TTC29: variants seen among roughly 807,000 people sequenced by gnomAD.
TTC29 encodes tetratricopeptide repeat domain 29.
Under a neutral mutation model 58.1 loss-of-function variants are expected in TTC29, and 49 were observed. That is an observed-to-expected ratio of 0.84 (90% CI 0.67 to 1.07). The LOEUF is 1.07. Among genes scored for constraint, TTC29 ranks in the 50% least tolerant of loss-of-function variants. The pLI is 0.00. For synonymous variants in TTC29, 209 were observed against 196.8 expected (o/e 1.06, Z -0.52); for missense variants, 582 against 555.6 (o/e 1.05, Z -0.48).
intron 8 of TTC29, among the ~76,000 whole-genome samples, chr4:146,865,386 T>C (rs1345964481): frequency 5.3e-5 from 8 of 152,184 alleles, no homozygotes; most frequent in East Asian, 1.9e-4. Flanking sequence ...TGGGATATCA[T>C]GTAGACCCCT....
At chr4:146,931,820 T>G (rs1214566954) in intron 4 of TTC29, among the ~76,000 whole-genome samples, 2 of 152,188 alleles carry the variant, frequency 1.3e-5, no homozygotes, top group Non-Finnish European at 2.9e-5. Context: ...TTCTTTTATC[T>G]CTATATTTGG....
chr4:146,744,246 G>A (rs1035568830), intron 11 of TTC29, among the ~76,000 whole-genome samples: 1 of 151,970 alleles, frequency 6.6e-6, no homozygotes, highest in Non-Finnish European at 1.5e-5. Flanking sequence ...GAGAGGGAGA[G>A]AGATGCCAGG....
chr4:146,761,741 T>C (rs1472321383), intron 11 of TTC29, among the ~76,000 whole-genome samples: 10 of 150,436 alleles, frequency 6.6e-5, no homozygotes, highest in Admixed American at 3.3e-4. Flanking sequence ...TGGTGTAGTA[T>C]ACATAATTTA....
At chr4:146,731,711 A>G (rs1744349222) in intron 11 of TTC29, among the ~76,000 whole-genome samples, 2 of 152,194 alleles carry the variant, frequency 1.3e-5, no homozygotes, top group Admixed American at 6.6e-5. Context: ...TAAAATATTA[A>G]AATTATCCTC....
chr4:146,857,314 T>C (rs1016863019), intron 8 of TTC29, among the ~76,000 whole-genome samples: 2 of 135,968 alleles, frequency 1.5e-5, no homozygotes, highest in African/African-American at 2.7e-5. Context: ...TAATGCTAAA[T>C]AGAAAGAGGT....
intron 10 of TTC29, among the ~76,000 whole-genome samples, chr4:146,819,151 A>G (rs1254125293): frequency 6.6e-6 from 1 of 151,524 alleles, no homozygotes; most frequent in East Asian, 1.9e-4. Context: ...AAATAAAAAA[A>G]TAAAAAAAAG....
intron 8 of TTC29, among the ~76,000 whole-genome samples, chr4:146,847,834 G>T (rs761260499): frequency 2.0e-5 from 3 of 152,134 alleles, no homozygotes; most frequent in Non-Finnish European, 4.4e-5. Flanking sequence ...CTTTTATCAC[G>T]CAGCGTGTCT....
At chr4:146,779,500 T>C (rs1216611896) in intron 11 of TTC29, among the ~76,000 whole-genome samples, 2 of 152,190 alleles carry the variant, frequency 1.3e-5, no homozygotes, top group Non-Finnish European at 2.9e-5. Flanking sequence ...ATCAGATCCA[T>C]TGGTAAAATT....
intron 11 of TTC29, among the ~76,000 whole-genome samples, chr4:146,732,886 C>T (rs1027828947): frequency 5.9e-5 from 9 of 152,116 alleles, no homozygotes; most frequent in African/African-American, 2.2e-4. Flanking sequence ...AAGTCAAGAC[C>T]ACCTGTCATA....
chr4:146,764,718 G>A (rs1448700522), intron 11 of TTC29, among the ~76,000 whole-genome samples: 3 of 151,994 alleles, frequency 2.0e-5, no homozygotes, highest in Non-Finnish European at 4.4e-5. Context: ...CTATAATAAA[G>A]GGATCACTGC....
At chr4:146,915,851 T>TA (rs1381070459) in intron 4 of TTC29, among the ~76,000 whole-genome samples, 1 of 151,860 alleles carries the variant, frequency 6.6e-6, no homozygotes. Flanking sequence ...AGCGGTTCAA[T>TA]AAAAAAACCG....
intron 8 of TTC29, among the ~76,000 whole-genome samples, chr4:146,865,540 A>G (rs1453209737): frequency 6.6e-6 from 1 of 152,192 alleles, no homozygotes; most frequent in African/African-American, 2.4e-5. Flanking sequence ...GCAATGGCTG[A>G]AAAACTATCA....
rs138756423 is a variant in TTC29 at position 146,932,958 on chromosome 4, T to G, written c.176+4636A>C. ...CTGTAGTCCCAGCTACTTGGGAGGC[T>G]GAAGCAGGAGAATGGCTTGAACCTG... On this transcript the variant is annotated intron_variant, in intron 4 of 12. Coordinates refer to ENST00000325106, the MANE Select transcript of TTC29 (RefSeq NM_031956.4). 8.5e-3 allele frequency among the ~76,000 whole-genome samples: 1,285 copies of G among 151,694 alleles called. 16 individuals carry two copies. Among genetic ancestry groups the G allele is most frequent in the African/African-American group, 0.03 (1,236 of 41,264 alleles).
At chr4:146,721,368 G>A (rs1252899783) in intron 11 of TTC29, among the ~76,000 whole-genome samples, 3 of 152,100 alleles carry the variant, frequency 2.0e-5, no homozygotes, top group East Asian at 3.9e-4. Context: ...CTGATAAGTC[G>A]AAGTCATTTC....
intron 11 of TTC29, among the ~76,000 whole-genome samples, chr4:146,718,866 T>C (rs1431621110): frequency 6.6e-6 from 1 of 152,184 alleles, no homozygotes; most frequent in Non-Finnish European, 1.5e-5. Flanking sequence ...CTTCAATTCA[T>C]TTTGAATTGA....
intron 5 of TTC29, among the ~76,000 whole-genome samples, chr4:146,907,892 ATTT>A (rs900112703): frequency 6.6e-6 from 1 of 152,020 alleles, no homozygotes; most frequent in Non-Finnish European, 1.5e-5. Flanking sequence ...TCACCAAAAT[ATTT>A]TTTTTCACAT....
intron 6 of TTC29, among the ~76,000 whole-genome samples, chr4:146,895,525 C>G (rs989497536): frequency 6.6e-6 from 1 of 151,264 alleles, no homozygotes; most frequent in African/African-American, 2.5e-5. Context: ...CTTTCATCTT[C>G]TCTGGACTCA....
At chr4:146,838,673 C>T (rs1728663669) in intron 8 of TTC29, among the ~76,000 whole-genome samples, 1 of 151,896 alleles carries the variant, frequency 6.6e-6, no homozygotes, top group Admixed American at 6.6e-5. Context: ...GTCTGAACTG[C>T]ATGAGTCTAC....
chr4:146,770,556 G>A (rs1487430509), intron 11 of TTC29, among the ~76,000 whole-genome samples: 2 of 151,738 alleles, frequency 1.3e-5, no homozygotes, highest in African/African-American at 4.8e-5. Context: ...CTGAATTCTG[G>A]TCTTTAGGAA....
Sources: gnomAD v4.1 joint callset for allele counts (sites outside exome capture counted in the v4.1 genomes callset) on GRCh38, gnomAD v4.1.1 for gene constraint, MANE v1.5 for transcripts, NCBI Gene and HGNC (gene_info 2026-07-23, HGNC 2026-07-21) for gene names.